NAALADL2: variants seen among roughly 807,000 people sequenced by gnomAD.
NAALADL2 encodes N-acetylated alpha-linked acidic dipeptidase like 2.
In NAALADL2, 76 loss-of-function variants were observed where a neutral mutation model predicts 87.2. That is an observed-to-expected ratio of 0.87 (90% CI 0.72 to 1.05). The LOEUF is 1.05. Among genes scored for constraint, NAALADL2 ranks in the 50% least tolerant of loss-of-function variants. The probability of loss-of-function intolerance (pLI) is 0.00; values close to 1 mark genes in which losing one functional copy is unlikely to be tolerated. For missense variants in NAALADL2, 1,089 were observed against 945.8 expected, an observed-to-expected ratio of 1.15 and a Z score of -1.99; for synonymous variants, 354 against 331.0, an observed-to-expected ratio of 1.07 and a Z score of -0.75.
intron 2 of NAALADL2, among the ~76,000 whole-genome samples, chr3:174,657,750 C>T (rs1725116802): frequency 6.6e-6 from 1 of 152,082 alleles, no homozygotes; most frequent in East Asian, 1.9e-4. Context: ...ACAGTATTTC[C>T]ACTGCCCTAG....
chr3:175,143,315 A>G (rs1211328881), intron 2 of NAALADL2, among the ~76,000 whole-genome samples: 1 of 151,956 alleles, frequency 6.6e-6, no homozygotes. Context: ...GATAAATTGC[A>G]GTGATATATG....
chr3:174,495,263 C>CA (rs199803612), intron 1 of NAALADL2, among the ~76,000 whole-genome samples: 13,211 of 120,220 alleles, frequency 0.11, 680 homozygotes, highest in Non-Finnish European at 0.13. Context: ...ATTAACAAAC[C>CA]AAAAAAAAAA....
intron 4 of NAALADL2, among the ~76,000 whole-genome samples, chr3:175,322,158 G>C (rs953918266): frequency 6.6e-6 from 1 of 150,956 alleles, no homozygotes; most frequent in Non-Finnish European, 1.5e-5. Flanking sequence ...CAATGGAACA[G>C]AACAGAGCCC....
rs116572332 is a variant in NAALADL2 at position 174,587,980 on chromosome 3, C to T, written c.-115+37343C>T. Among the ~76,000 whole-genome samples, 666 of 152,250 alleles carry T rather than the reference C, an allele frequency of 4.4e-3. 7 individuals are homozygous for T. Among genetic ancestry groups the T allele is most frequent in the African/African-American group, 0.015 (635 of 41,538 alleles). On this transcript the variant is annotated intron_variant, in intron 2 of 3. Transcript: ENST00000434257. ...ATATCCTGAGTTTTCCAACTTGGTT[C>T]AATTCCCCCTGTCACTTTCAGGTAC...
At chr3:174,906,685 A>G (rs1392674018) in intron 1 of NAALADL2, among the ~76,000 whole-genome samples, 2 of 152,120 alleles carry the variant, frequency 1.3e-5, no homozygotes, top group Non-Finnish European at 2.9e-5. Context: ...ACAGCTTCCA[A>G]CAATTCCCCA....
At chr3:174,772,667 A>G (rs541042279) in intron 3 of NAALADL2, among the ~76,000 whole-genome samples, 1 of 152,266 alleles carries the variant, frequency 6.6e-6, no homozygotes, top group Admixed American at 6.5e-5. Flanking sequence ...ATAAAGATTA[A>G]CTCATTAATT....
At chr3:175,343,655 G>GTTTTGTTTTTTTTTTT (rs1762798204) in intron 5 of NAALADL2, among the ~76,000 whole-genome samples, 1 of 64,726 alleles carries the variant, frequency 1.5e-5, no homozygotes, top group African/African-American at 4.6e-5. Context: ...TCTTGATCAT[G>GTTTTGTTTTTTTTTTT]TTTTTTTTTT....
chr3:174,731,327 G>C (rs1732685400), intron 2 of NAALADL2, among the ~76,000 whole-genome samples: 1 of 152,050 alleles, frequency 6.6e-6, no homozygotes, highest in Non-Finnish European at 1.5e-5. Flanking sequence ...TTTTGGATAG[G>C]TTTTACACTT....
chr3:174,810,596 G>A (rs553092783), intron 3 of NAALADL2, among the ~76,000 whole-genome samples: 3,048 of 116,856 alleles, frequency 0.026, 108 homozygotes, highest in African/African-American at 0.085. Flanking sequence ...ATATATGTAA[G>A]CAAAAAAAAA....
chr3:175,078,391 T>TA lies in NAALADL2; in HGVS notation c.44-18397dup, dbSNP rs534239143. On this transcript the variant is annotated intron_variant, in intron 1 of 13. Coordinates refer to ENST00000454872, the MANE Select transcript of NAALADL2 (RefSeq NM_207015.3). ...GTAGCAAAATGCAGCGCAGCAATAATAAGAGTATGTAATAATTTTAAAAAA... is the reference window on the plus strand; with the variant it reads ...GTAGCAAAATGCAGCGCAGCAATAATAAAGAGTATGTAATAATTTTAAAAAA... Among the ~76,000 whole-genome samples the TA allele has an allele frequency of 4.2e-3, 635 of 152,116 alleles. 5 individuals are homozygous for TA. The highest frequency in any genetic ancestry group is 0.014 in the African/African-American group (583 of 41,418).
At chr3:174,609,191 C>A (rs1355655343) in intron 2 of NAALADL2, among the ~76,000 whole-genome samples, 2 of 152,198 alleles carry the variant, frequency 1.3e-5, no homozygotes, top group African/African-American at 2.4e-5. Flanking sequence ...TCTATGACAA[C>A]CCCACAGCCA....
intron 9 of NAALADL2, among the ~76,000 whole-genome samples, chr3:175,554,820 T>A (rs997763292): frequency 2.6e-5 from 4 of 152,180 alleles, no homozygotes; most frequent in Non-Finnish European, 5.9e-5. Flanking sequence ...CACAGCTGTA[T>A]GAATTCTAAC....
chr3:175,059,630 T>A (rs765223570), intron 1 of NAALADL2: 1 of 360,224 alleles, frequency 2.8e-6, no homozygotes, highest in South Asian at 2.6e-5. Context: ...AACAAGTGCA[T>A]GTTTTTTGGC....
intron 3 of NAALADL2, among the ~76,000 whole-genome samples, chr3:174,766,830 A>T (rs561532884): frequency 6.6e-6 from 1 of 152,346 alleles, no homozygotes; most frequent in Admixed American, 6.5e-5. Flanking sequence ...GAGAGCTTAC[A>T]TTCTAGTAGG....
At chr3:174,927,730 G>A (rs894103022) in intron 1 of NAALADL2, among the ~76,000 whole-genome samples, 69 of 152,302 alleles carry the variant, frequency 4.5e-4, no homozygotes, top group African/African-American at 1.6e-3. Flanking sequence ...GAAATTTATA[G>A]CACTAAATGG....
At chr3:174,576,236 A>G (rs1715517959) in intron 2 of NAALADL2, among the ~76,000 whole-genome samples, 1 of 152,208 alleles carries the variant, frequency 6.6e-6, no homozygotes, top group Admixed American at 6.5e-5. Context: ...GAATAAACAG[A>G]AATTAAAGTA....
rs540362243 is a variant in NAALADL2 at position 174,668,663 on chromosome 3, C to G, written c.-114-68978C>G. On this transcript the variant is annotated intron_variant, in intron 2 of 3. Transcript: ENST00000434257. ...TTCAATTCCCACCTATGAGTGAGAA[C>G]ATGCAGTGTTTGGTTTTCTGTCCCT... is the stretch of plus-strand genomic sequence containing the variant. Among the ~76,000 whole-genome samples the G allele has an allele frequency of 5.3e-5, 8 of 152,224 alleles. No individual in the cohort carries two copies. The East Asian group carries it at 1.5e-3, about 29-fold the overall frequency.
chr3:174,772,656 T>G (rs1346521109), intron 3 of NAALADL2, among the ~76,000 whole-genome samples: 1 of 152,178 alleles, frequency 6.6e-6, no homozygotes, highest in African/African-American at 2.4e-5. Context: ...GGTGTACTCT[T>G]ATAAAGATTA....
chr3:174,664,515 T>C (rs967045422), intron 2 of NAALADL2, among the ~76,000 whole-genome samples: 2 of 152,162 alleles, frequency 1.3e-5, no homozygotes, highest in African/African-American at 4.8e-5. Flanking sequence ...CATCAATGGA[T>C]GTTGTCATAA....
Sources: allele counts gnomAD v4.1 joint callset (sites outside exome capture counted in the v4.1 genomes callset), GRCh38; gene constraint gnomAD v4.1.1; transcripts MANE v1.5; gene names NCBI Gene and HGNC (gene_info 2026-07-23, HGNC 2026-07-21).